RYR1: variants seen among roughly 807,000 people sequenced by gnomAD.
RYR1 encodes central core disease of muscle.
In RYR1, 342 loss-of-function variants were observed where a neutral mutation model predicts 583.5. The ratio of observed to expected loss-of-function variants is 0.59; its 90% CI spans 0.54 to 0.64. The LOEUF (loss-of-function observed/expected upper bound fraction) is 0.64. Among genes scored for constraint, RYR1 ranks in the 30% least tolerant of loss-of-function variants. The probability of loss-of-function intolerance (pLI) is 0.00; values close to 1 mark genes in which losing one functional copy is unlikely to be tolerated. For synonymous variants in RYR1, 2,791 were observed against 2,822.5 expected, an observed-to-expected ratio of 0.99 and a Z score of 0.35; for missense variants, 6,032 against 6,917.2, an observed-to-expected ratio of 0.87 and a Z score of 4.54.
chr19:38,458,267 C>G lies in RYR1; in HGVS notation c.2142C>G (p.Gly714=), dbSNP rs1967530079. 1 of 1,613,904 alleles carries G rather than the reference C, an allele frequency of 6.2e-7. No individual in the cohort carries two copies. Among genetic ancestry groups the G allele is most frequent in the African/African-American group, 1.3e-5 (1 of 74,920 alleles). ...TCGGCGATGACCTCTATTCCTACGG[C>G]TTTGATGGACTGCATCTCTGGACAG... The part of the protein sequence containing the change: ...NGVGDDLYSY[G]FDGLHLWTGH... The change falls in exon 18 of 106, where the codon GGC becomes GGG. Residue 714 remains glycine, a synonymous_variant. Transcript: ENST00000359596.
chr19:38,491,522 G>A (rs1969550228), intron 37 of RYR1, among the ~76,000 whole-genome samples: 1 of 150,966 alleles, frequency 6.6e-6, no homozygotes. Context: ...TCTGCCTCCT[G>A]GGCTCAAGCC....
intron 27 of RYR1, 141 bp from the exon 28 acceptor site, chr19:38,473,236 T>G (rs1054012843): frequency 9.4e-7 from 1 of 1,069,246 alleles, no homozygotes; most frequent in Non-Finnish European, 1.4e-6. Flanking sequence ...TTCATCCCCC[T>G]GCAGGAGTGG....
chr19:38,464,278 G>GAAAAAAAAAAAA (rs547288253), intron 22 of RYR1, among the ~76,000 whole-genome samples: 8 of 64,224 alleles, frequency 1.2e-4, no homozygotes, highest in Admixed American at 4.7e-4. Flanking sequence ...CACCGTTTCA[G>GAAAAAAAAAAAA]AAAAAAAAAA....
intron 38 of RYR1, among the ~76,000 whole-genome samples, chr19:38,493,304 T>TG (rs983598543): frequency 2.0e-5 from 3 of 152,126 alleles, no homozygotes; most frequent in Non-Finnish European, 4.4e-5. Context: ...TCATTAATGT[T>TG]GGGCCAATGT....
At chr19:38,440,973 G>C (rs1204105452) in intron 2 of RYR1, 109 bp downstream of exon 2, 1 of 1,125,018 alleles carries the variant, frequency 8.9e-7, no homozygotes, top group East Asian at 3.5e-5. Context: ...GCTGACAGGA[G>C]AGAAAGTGAG....
chr19:38,571,912 G>T, intron 94 of RYR1, 107 bp from the exon 95 acceptor site: 1 of 1,523,890 alleles, frequency 6.6e-7, no homozygotes, highest in South Asian at 1.1e-5. Flanking sequence ...GCCACACCAA[G>T]ACTGTATCTG....
In RYR1 at chr19:38,451,681, A is replaced by G; in HGVS notation, c.1123-83A>G. 3 of 1,556,162 alleles carry G rather than the reference A, an allele frequency of 1.9e-6. No homozygotes were observed. In the South Asian group the frequency reaches 3.3e-5, roughly 17 times the overall value. Reference sequence around the variant, plus strand: ...AGAGCAGGGAGGAGGGGGCAAGTGCAGAACTCAAGTCTAGACAGACGTCTT... The same window carrying G: ...AGAGCAGGGAGGAGGGGGCAAGTGCGGAACTCAAGTCTAGACAGACGTCTT... On this transcript the variant is annotated intron_variant, in intron 11 of 105. Coordinates refer to ENST00000359596, the MANE Select transcript of RYR1 (RefSeq NM_000540.3).
At chr19:38,465,303 A>C (rs1968035040) in intron 23 of RYR1, among the ~76,000 whole-genome samples, 1 of 151,956 alleles carries the variant, frequency 6.6e-6, no homozygotes, top group Non-Finnish European at 1.5e-5. Flanking sequence ...CCCCTCTACA[A>C]AAAATTTAAA....
chr19:38,584,199 C>T (rs922465672), intron 101 of RYR1, among the ~76,000 whole-genome samples: 24 of 151,798 alleles, frequency 1.6e-4, no homozygotes, highest in Non-Finnish European at 5.9e-5. Context: ...CTGTGCCTCC[C>T]CACCCCAGCC....
chr19:38,510,623 C>G (rs181929261), intron 59 of RYR1, 37 bp from the exon 60 acceptor site: 17 of 1,614,186 alleles, frequency 1.1e-5, no homozygotes, highest in East Asian at 2.2e-5. Context: ...CTCCCCACCC[C>G]TCATTGGACC....
At position 38,466,383 on chromosome 19, in the gene RYR1, C is replaced by T; in HGVS notation, c.3163C>T (p.Pro1055Ser). Residue 1055 changes from proline to serine, a missense_variant, in exon 24 of 106, where the codon CCT becomes TCT. By Grantham distance (74) the Pro-to-Ser change is moderately conservative. Around this residue, in one of 11 missense-constraint regions of RYR1, gnomAD observed 2,627 missense variants for 2,961.3 expected, o/e 0.89. Transcript: ENST00000359596. ...GGGCTACGGCTACAACATCGAGCCT[C>T]CTGACCAGGAGCCCAGTGAGTGCTC... is the stretch of plus-strand genomic sequence containing the variant. ...LLGYGYNIEP[P>S]DQEPSQVENQ... 1 of 1,550,772 alleles carries T rather than the reference C, an allele frequency of 6.4e-7. No individual in the cohort carries two copies. The highest frequency in any genetic ancestry group is 8.7e-7 in the Non-Finnish European group (1 of 1,150,104).
At chr19:38,549,308 T>C (rs995031951) in intron 89 of RYR1, among the ~76,000 whole-genome samples, 3 of 152,128 alleles carry the variant, frequency 2.0e-5, no homozygotes, top group Non-Finnish European at 4.4e-5. Flanking sequence ...CCACTAACTA[T>C]TGGCAGTGTG....
chr19:38,487,149 G>T (rs911870649), intron 34 of RYR1, among the ~76,000 whole-genome samples: 1 of 151,510 alleles, frequency 6.6e-6, no homozygotes, highest in Non-Finnish European at 1.5e-5. Flanking sequence ...CGTTCCTCCA[G>T]TTCCCACCTA....
chr19:38,464,633 C>G lies in RYR1; in HGVS notation c.2787-6C>G. On this transcript the variant is annotated splice_polypyrimidine_tract_variant and splice_region_variant and intron_variant, in intron 22 of 105. Transcript: ENST00000359596. ...TGACCTGTCGCCTCCACTCCCCCAC[C>G]CCCAGGACTCTGCTGGCTCTGGGCT... 6.4e-7 allele frequency: 1 copy of G among 1,574,298 alleles called. No homozygotes were observed. The highest frequency in any genetic ancestry group is 8.6e-7 in the Non-Finnish European group (1 of 1,159,582).
Position 38,446,453 on chromosome 19 carries a change from T to A in RYR1, c.632-19T>A, listed in dbSNP as rs1012198147. 1.2e-6 allele frequency: 2 copies of A among 1,602,144 alleles called. No homozygotes were observed. Among genetic ancestry groups the A allele is most frequent in the Non-Finnish European group, 1.7e-6 (2 of 1,169,070 alleles). ...GGGCTCCAGCCTCCCATTGACCAAC[T>A]TCCCTTGCTCCTCTCCAGGCTTCGT... On this transcript the variant is annotated intron_variant, in intron 7 of 105. Transcript: ENST00000359596.
At chr19:38,457,764 C>A in intron 17 of RYR1, 134 bp downstream of exon 17, 6 of 929,942 alleles carry the variant, frequency 6.5e-6, no homozygotes, top group Non-Finnish European at 1.0e-5. Flanking sequence ...TCACAGATGT[C>A]CACTGTGGCC....
At chr19:38,586,050 G>A (rs201878600) in intron 103 of RYR1, 41 bp from the exon 104 acceptor site, 2 of 1,613,982 alleles carry the variant, frequency 1.2e-6, no homozygotes, top group South Asian at 1.1e-5. Context: ...GATTCAGGGG[G>A]TCAAGTGGGC....
intron 11 of RYR1, among the ~76,000 whole-genome samples, chr19:38,450,706 A>G (rs1967027682): frequency 6.6e-6 from 1 of 152,042 alleles, no homozygotes; most frequent in Non-Finnish European, 1.5e-5. Flanking sequence ...CTAAGCTTTT[A>G]TTGTACAAGC....
chr19:38,553,573 G>C (rs964471235), intron 89 of RYR1, among the ~76,000 whole-genome samples: 2 of 151,706 alleles, frequency 1.3e-5, no homozygotes, highest in Non-Finnish European at 2.9e-5. Context: ...AGGATCCTTT[G>C]AGCCCAGAAG....
Sources: allele counts gnomAD v4.1 joint callset (sites outside exome capture counted in the v4.1 genomes callset), GRCh38; gene constraint gnomAD v4.1.1; regional missense constraint gnomAD v4.1.1; transcripts MANE v1.5; gene names NCBI Gene and HGNC (gene_info 2026-07-23, HGNC 2026-07-21).